TRAPPC9: variants seen among roughly 807,000 people sequenced by gnomAD.
The protein encoded by TRAPPC9 is IKK2 binding protein.
TRAPPC9 carries 83 observed loss-of-function variants against 124.0 expected under a neutral mutation model. That is an observed-to-expected ratio of 0.67 (90% CI 0.56 to 0.80). The LOEUF (loss-of-function observed/expected upper bound fraction) is 0.80, where lower values mean the gene tolerates loss of function less well. Among genes scored for constraint, TRAPPC9 ranks in the 30% least tolerant of loss-of-function variants. The pLI, the probability that TRAPPC9 is intolerant of heterozygous loss-of-function variation, is 0.00. For missense variants in TRAPPC9, 1,302 were observed against 1,508.3 expected, an observed-to-expected ratio of 0.86 and a Z score of 2.27; for synonymous variants, 638 against 617.5, an observed-to-expected ratio of 1.03 and a Z score of -0.49.
intron 19 of TRAPPC9, among the ~76,000 whole-genome samples, chr8:139,964,890 G>A (rs1048093283): frequency 1.3e-5 from 2 of 152,204 alleles, no homozygotes; most frequent in Non-Finnish European, 2.9e-5. Context: ...GTGAAAGCAG[G>A]AGAGGAATGC....
chr8:140,045,677 C>G, intron 17 of TRAPPC9, among the ~76,000 whole-genome samples: 1 of 142,390 alleles, frequency 7.0e-6, no homozygotes, highest in Middle Eastern at 3.7e-3. Flanking sequence ...AGGTCCTTTG[C>G]TTCTGCTTGG....
chr8:139,835,572 G>A (rs1826281598), intron 21 of TRAPPC9, among the ~76,000 whole-genome samples: 1 of 152,162 alleles, frequency 6.6e-6, no homozygotes, highest in Non-Finnish European at 1.5e-5. Context: ...GGGACAGTGG[G>A]GAAAGCAGCA....
At chr8:140,406,788 G>A (rs2069509646) in intron 5 of TRAPPC9, among the ~76,000 whole-genome samples, 1 of 152,146 alleles carries the variant, frequency 6.6e-6, no homozygotes, top group South Asian at 2.1e-4. Flanking sequence ...AGGTGGTTTA[G>A]GACTTTGTTT....
chr8:139,802,641 G>GT (rs1823619486), intron 21 of TRAPPC9, among the ~76,000 whole-genome samples: 2 of 152,364 alleles, frequency 1.3e-5, no homozygotes, highest in South Asian at 4.1e-4. Flanking sequence ...TAGTCCAGTA[G>GT]TGCAAAGTTG....
At chr8:139,827,128 A>T (rs2100803) in intron 21 of TRAPPC9, among the ~76,000 whole-genome samples, 65 of 152,118 alleles carry the variant, frequency 4.3e-4, no homozygotes, top group African/African-American at 1.3e-3. Flanking sequence ...GGGGAAGGGA[A>T]GGCACTTGCC....
intron 17 of TRAPPC9, among the ~76,000 whole-genome samples, chr8:140,094,540 G>A (rs1000321545): frequency 2.6e-5 from 4 of 152,156 alleles, no homozygotes; most frequent in Non-Finnish European, 4.4e-5. Context: ...GCACTCCATC[G>A]TGTATCCACC....
At chr8:140,326,055 C>G (rs138466976) in intron 9 of TRAPPC9, among the ~76,000 whole-genome samples, 1 of 152,136 alleles carries the variant, frequency 6.6e-6, no homozygotes, top group African/African-American at 2.4e-5. Context: ...AAATGGAAAT[C>G]TGATATACAA....
chr8:140,351,009 C>G (rs898713834), intron 9 of TRAPPC9, among the ~76,000 whole-genome samples: 2 of 151,738 alleles, frequency 1.3e-5, no homozygotes, highest in Non-Finnish European at 2.9e-5. Context: ...TTAAACAGAA[C>G]GAAGGCAGTC....
chr8:139,729,336 G>C lies in TRAPPC9; in HGVS notation c.*1725C>G, dbSNP rs1258943776. On this transcript the variant is annotated 3_prime_UTR_variant, in exon 23 of 23. Coordinates refer to ENST00000438773, the MANE Select transcript of TRAPPC9 (RefSeq NM_001160372.4). Reference sequence around the variant, plus strand: ...ATGGCGTATTTTTGGGCTCTGTTGAGGTTGACACACATGGATGCTGTTTGT... The same window carrying C: ...ATGGCGTATTTTTGGGCTCTGTTGACGTTGACACACATGGATGCTGTTTGT... Among the ~76,000 whole-genome samples the C allele has an allele frequency of 6.6e-6, 1 of 152,246 alleles. No homozygotes were observed. The highest frequency in any genetic ancestry group is 1.5e-5 in the Non-Finnish European group (1 of 68,042).
In TRAPPC9 at chr8:140,434,461, T is replaced by G. The variant is rs554816999; in HGVS notation, c.859+651A>C. Among the ~76,000 whole-genome samples, 13 of 152,286 alleles carry G rather than the reference T, an allele frequency of 8.5e-5. No individual in the cohort carries two copies. The South Asian group carries it at 2.7e-3, about 32-fold the overall frequency. On this transcript the variant is annotated intron_variant, in intron 4 of 22. Coordinates refer to ENST00000438773, the MANE Select transcript of TRAPPC9 (RefSeq NM_001160372.4). ...GTCATCAGCCAATAAAATAAGAAAC[T>G]GCTCCCAGGCCCTGAATCAGCTTAT...
intron 2 of TRAPPC9, 50 bp from the exon 3 acceptor site, chr8:140,439,247 G>A: frequency 6.3e-7 from 1 of 1,599,374 alleles, no homozygotes; most frequent in Non-Finnish European, 8.5e-7. Context: ...CTCCCACCCA[G>A]AAAGCACTCT....
intron 21 of TRAPPC9, among the ~76,000 whole-genome samples, chr8:139,853,217 C>A (rs1025086795): frequency 6.6e-6 from 1 of 152,188 alleles, no homozygotes; most frequent in African/African-American, 2.4e-5. Context: ...TAGCACATGG[C>A]GGTGGCAGGA....
At chr8:140,454,838 C>G (rs2071596409) in intron 1 of TRAPPC9, among the ~76,000 whole-genome samples, 1 of 150,318 alleles carries the variant, frequency 6.7e-6, no homozygotes. Flanking sequence ...ACTTGGGAGG[C>G]TGAGGCACGG....
At chr8:139,782,814 A>AT (rs1313787675) in intron 21 of TRAPPC9, among the ~76,000 whole-genome samples, 1 of 152,226 alleles carries the variant, frequency 6.6e-6, no homozygotes, top group African/African-American at 2.4e-5. Context: ...TCTTGACTAG[A>AT]AGTTTAAAAG....
At chr8:139,754,588 C>T (rs529133688) in intron 21 of TRAPPC9, among the ~76,000 whole-genome samples, 142 of 152,322 alleles carry the variant, frequency 9.3e-4, no homozygotes, top group South Asian at 6.2e-3. Flanking sequence ...CACCCAAACT[C>T]GGGGTAACAA....
At chr8:140,209,785 T>C (rs1040727119) in intron 17 of TRAPPC9, among the ~76,000 whole-genome samples, 5 of 152,264 alleles carry the variant, frequency 3.3e-5, no homozygotes, top group Non-Finnish European at 4.4e-5. Context: ...AAAGGGTTTA[T>C]ACTCCACTGC....
chr8:140,405,960 A>T (rs2069475078), intron 5 of TRAPPC9, among the ~76,000 whole-genome samples: 1 of 152,204 alleles, frequency 6.6e-6, no homozygotes, highest in Admixed American at 6.5e-5. Context: ...ACATAAAAGT[A>T]ACATATTTAC....
intron 21 of TRAPPC9, among the ~76,000 whole-genome samples, chr8:139,877,394 GC>G (rs1330107899): frequency 1.3e-5 from 2 of 152,196 alleles, no homozygotes; most frequent in Non-Finnish European, 2.9e-5. Context: ...GAAAGGTCCA[GC>G]CCTACCTCCT....
At chr8:140,405,767 G>A in intron 5 of TRAPPC9, 69 bp from the exon 6 acceptor site, 1 of 1,584,914 alleles carries the variant, frequency 6.3e-7, no homozygotes, top group South Asian at 1.1e-5. Context: ...TTAAAGAGGA[G>A]CATGAATAAG....
Sources: allele counts gnomAD v4.1 joint callset (sites outside exome capture counted in the v4.1 genomes callset), GRCh38; gene constraint gnomAD v4.1.1; transcripts MANE v1.5; gene names NCBI Gene and HGNC (gene_info 2026-07-23, HGNC 2026-07-21).